The following ATG7 variants were observed in gnomAD, a reference collection of about 807,000 sequenced individuals.
The protein encoded by ATG7 is ubiquitin-like modifier-activating enzyme ATG7.
Under a neutral mutation model 82.4 loss-of-function variants are expected in ATG7, and 70 were observed. That is an observed-to-expected ratio of 0.85 (90% CI 0.70 to 1.04). The LOEUF is 1.04. ATG7 is among the 50% of genes least tolerant of loss of function. The pLI is 0.00. For synonymous variants in ATG7, 287 were observed against 313.0 expected (o/e 0.92, Z 0.88); for missense variants, 792 against 864.3 (o/e 0.92, Z 1.05).
At chr3:11,353,147 A>T (rs2075687025) in intron 14 of ATG7, among the ~76,000 whole-genome samples, 1 of 152,192 alleles carries the variant, frequency 6.6e-6, no homozygotes, top group South Asian at 2.1e-4. Context: ...CCCCTTTAAA[A>T]ATGTTTAAAT....
At chr3:11,389,232 CAAA>C (rs752930553) in intron 19 of ATG7, among the ~76,000 whole-genome samples, 13 of 57,250 alleles carry the variant, frequency 2.3e-4, no homozygotes, top group Admixed American at 7.8e-4. Flanking sequence ...GACCCTGTCT[CAAA>C]AAAAAAAAAA....
intron 20 of ATG7, among the ~76,000 whole-genome samples, chr3:11,469,988 CAAAAAAAA>C (rs10628540): frequency 1.1e-4 from 10 of 87,572 alleles, no homozygotes; most frequent in Admixed American, 3.6e-4. Flanking sequence ...GACTCCATCT[CAAAAAAAA>C]AAAAAAAAAA....
chr3:11,453,723 C>A lies in ATG7; in HGVS notation c.2079+26797C>A, dbSNP rs2085424606. Among the ~76,000 whole-genome samples the A allele has an allele frequency of 2.6e-5, 4 of 152,050 alleles. No homozygotes were observed. In the South Asian group the frequency reaches 8.3e-4, roughly 32 times the overall value. On this transcript the variant is annotated intron_variant, in intron 20 of 20. Coordinates refer to ENST00000693202, the MANE Select transcript of ATG7 (RefSeq NM_001349232.2). ...TTGTGTGAATTGGCAATTGTGTGTC[C>A]CTTCCCTGGGTGGGCCATCCTGCGT...
At chr3:11,471,891 C>A (rs141744787) in intron 20 of ATG7, among the ~76,000 whole-genome samples, 1 of 151,676 alleles carries the variant, frequency 6.6e-6, no homozygotes, top group African/African-American at 2.4e-5. Context: ...GCGTGTGTCA[C>A]CATGCACAGC....
At chr3:11,389,760 C>G (rs1319544108) in intron 19 of ATG7, among the ~76,000 whole-genome samples, 1 of 152,158 alleles carries the variant, frequency 6.6e-6, no homozygotes, top group Non-Finnish European at 1.5e-5. Flanking sequence ...TACTGTGGAG[C>G]ATGTGTTGAA....
At chr3:11,456,109 C>G (rs988786350) in intron 20 of ATG7, among the ~76,000 whole-genome samples, 1 of 152,158 alleles carries the variant, frequency 6.6e-6, no homozygotes, top group Non-Finnish European at 1.5e-5. Flanking sequence ...AAAGGAAACC[C>G]TGCTAAAGAG....
Position 11,367,140 on chromosome 3 carries a change from CT to C in ATG7, c.1875+2412del, listed in dbSNP as rs201783956. 6.6e-4 allele frequency among the ~76,000 whole-genome samples: 101 copies of C among 152,120 alleles called. 1 individual carries two copies. In the East Asian group the frequency reaches 0.016, roughly 24 times the overall value. On this transcript the variant is annotated intron_variant, in intron 18 of 20. Coordinates refer to ENST00000693202, the MANE Select transcript of ATG7 (RefSeq NM_001349232.2). ...GTCCCCATGTATAGGCTTTAAACAA[CT>C]TTTTTCCCCCTAAGTGGAGTGAGTC...
intron 1 of ATG7, among the ~76,000 whole-genome samples, chr3:11,279,791 A>G (rs1221835581): frequency 1.3e-5 from 2 of 152,180 alleles, no homozygotes; most frequent in Non-Finnish European, 2.9e-5. Context: ...AGTCTAATTT[A>G]GATATCCCTC....
Position 11,342,243 on chromosome 3 carries a change from C to T in ATG7, c.1089C>T (p.Ala363=), listed in dbSNP as rs374163352. The T allele has an allele frequency of 1.1e-5, 18 of 1,613,330 alleles. No individual in the cohort carries two copies. The highest frequency in any genetic ancestry group is 3.3e-5 in the Admixed American group (2 of 59,904). The change falls in exon 13 of 21, where the codon GCC becomes GCT. Residue 363 remains alanine, a synonymous_variant. Transcript: ENST00000693202. ...VVSVKCLLLG[A]GTLGCNVART... ...CTGTCAAATGTCTGCTGCTTGGAGC[C>T]GGCACCTTGGGTTGCAATGTAGCTA... is the stretch of plus-strand genomic sequence containing the variant.
intron 20 of ATG7, among the ~76,000 whole-genome samples, chr3:11,436,512 C>G (rs1247905501): frequency 6.6e-6 from 1 of 152,172 alleles, no homozygotes; most frequent in Admixed American, 6.5e-5. Flanking sequence ...TAGGGTAGCC[C>G]TGTTCCACAA....
At chr3:11,378,928 G>C (rs1159352897) in intron 18 of ATG7, among the ~76,000 whole-genome samples, 2 of 151,860 alleles carry the variant, frequency 1.3e-5, no homozygotes, top group African/African-American at 4.8e-5. Flanking sequence ...TGGTGGATCG[G>C]GTCTTCTGTT....
chr3:11,486,403 G>A (rs1022101370), intron 20 of ATG7, among the ~76,000 whole-genome samples: 1 of 152,188 alleles, frequency 6.6e-6, no homozygotes, highest in African/African-American at 2.4e-5. Context: ...CTGAGACTTT[G>A]CTGAAGTTGC....
chr3:11,357,089 T>C (rs920166413), intron 14 of ATG7, among the ~76,000 whole-genome samples: 1 of 152,254 alleles, frequency 6.6e-6, no homozygotes, highest in African/African-American at 2.4e-5. Context: ...ATCTGCTTGC[T>C]GTGTCCCTTG....
intron 20 of ATG7, among the ~76,000 whole-genome samples, chr3:11,482,290 C>A (rs143649914): frequency 2.0e-5 from 3 of 152,190 alleles, no homozygotes; most frequent in African/African-American, 7.2e-5. Flanking sequence ...GTTTGGGCTC[C>A]GAGCTCTTTC....
chr3:11,500,796 A>G (rs1392859729), intron 20 of ATG7, among the ~76,000 whole-genome samples: 1 of 152,166 alleles, frequency 6.6e-6, no homozygotes, highest in Non-Finnish European at 1.5e-5. Context: ...ACACCCAGCT[A>G]ATTTTTGTAT....
chr3:11,339,506 G>A (rs1953162336), intron 11 of ATG7, among the ~76,000 whole-genome samples: 1 of 152,018 alleles, frequency 6.6e-6, no homozygotes, highest in African/African-American at 2.4e-5. Flanking sequence ...TTTATTGTGA[G>A]CAGTGGGAAT....
chr3:11,560,747 C>T (rs1218172076), downstream of ATG7, among the ~76,000 whole-genome samples: 2 of 152,078 alleles, frequency 1.3e-5, no homozygotes, highest in Non-Finnish European at 2.9e-5. Context: ...TCTTAGTGGC[C>T]CGACACTTAG....
rs112794448 is a variant in ATG7, at chr3:11,405,539, A to G, written c.1957-21265A>G. On this transcript the variant is annotated intron_variant, in intron 19 of 20. Transcript: ENST00000693202. ...ATTTTTGCTGACATTGCTATGTGTC[A>G]TCTTGTCATGTATTTTCTGTGTTTA... 4.5e-3 allele frequency among the ~76,000 whole-genome samples: 680 copies of G among 152,250 alleles called. 2 individuals carry two copies. Among genetic ancestry groups the G allele is most frequent in the Middle Eastern group, 0.017 (5 of 294 alleles).
rs145098823 is a variant in ATG7 at position 11,491,404 on chromosome 3, G to A, written c.2080-63407G>A. Among the ~76,000 whole-genome samples the A allele has an allele frequency of 2.6e-3, 399 of 152,144 alleles. 1 individual carries two copies. Among genetic ancestry groups the A allele is most frequent in the Non-Finnish European group, 4.8e-3 (325 of 68,000 alleles). On this transcript the variant is annotated intron_variant, in intron 20 of 20. Coordinates refer to ENST00000693202, the MANE Select transcript of ATG7 (RefSeq NM_001349232.2). ...TTTTTTCAAAGTTTTCAACTTCTTT[G>A]CCTTTGGTTTGAATTTCCTCCTGTA...
Sources: allele counts gnomAD v4.1 joint callset (sites outside exome capture counted in the v4.1 genomes callset), GRCh38; gene constraint gnomAD v4.1.1; transcripts MANE v1.5; gene names NCBI Gene and HGNC (gene_info 2026-07-23, HGNC 2026-07-21).